MYLK: variants seen among roughly 807,000 people sequenced by gnomAD.
MYLK encodes the protein myosin light chain kinase, also known as myosin light chain kinase, smooth muscle.
In MYLK, 106 loss-of-function variants were observed where a neutral mutation model predicts 203.4. That is an observed-to-expected ratio of 0.52 (90% CI 0.45 to 0.61). MYLK has a LOEUF of 0.61. Ranked by LOEUF, MYLK falls within the 20% of genes least tolerant of loss-of-function variation. MYLK has a pLI of 0.00. For missense variants in MYLK, 2,072 were observed against 2,442.3 expected (o/e 0.85, Z 3.20); for synonymous variants, 867 against 959.5 (o/e 0.90, Z 1.78).
intron 1 of MYLK, among the ~76,000 whole-genome samples, chr3:123,883,852 C>T (rs1008073222): frequency 6.6e-6 from 1 of 152,190 alleles, no homozygotes; most frequent in African/African-American, 2.4e-5. Context: ...GTGGCACCCC[C>T]TTCCCAGAGG....
chr3:123,803,990 G>C (rs948167714), intron 3 of MYLK, among the ~76,000 whole-genome samples: 1 of 152,248 alleles, frequency 6.6e-6, no homozygotes, highest in Non-Finnish European at 1.5e-5. Context: ...AATAATAGTT[G>C]CCATGTATTT....
chr3:123,867,499 A>G (rs1358675001), intron 2 of MYLK, among the ~76,000 whole-genome samples: 1 of 152,042 alleles, frequency 6.6e-6, no homozygotes, highest in Non-Finnish European at 1.5e-5. Flanking sequence ...CATCATGTGA[A>G]CATACACTGA....
At chr3:123,862,960 T>C (rs899459649) in intron 2 of MYLK, among the ~76,000 whole-genome samples, 70 of 152,186 alleles carry the variant, frequency 4.6e-4, no homozygotes, top group African/African-American at 1.7e-3. Context: ...TGCACTCACG[T>C]TGAAAACCTG....
At chr3:123,646,550 C>T (rs2059027890) in intron 27 of MYLK, among the ~76,000 whole-genome samples, 1 of 152,152 alleles carries the variant, frequency 6.6e-6, no homozygotes, top group Non-Finnish European at 1.5e-5. Flanking sequence ...TGCGTGTGTA[C>T]ACGCATGCAC....
At chr3:123,622,631 T>G (rs553978659) in intron 31 of MYLK, 76 of 152,334 alleles carry the variant, frequency 5.0e-4, no homozygotes, top group African/African-American at 1.7e-3. Flanking sequence ...GTAAATATAT[T>G]AACAAATAAA....
chr3:123,841,548 TTC>T (rs1231337022), intron 2 of MYLK, among the ~76,000 whole-genome samples: 10 of 152,158 alleles, frequency 6.6e-5, no homozygotes, highest in Admixed American at 6.6e-4. Flanking sequence ...ACCACTCATT[TTC>T]TGTCAGTTCC....
intron 13 of MYLK, among the ~76,000 whole-genome samples, chr3:123,717,223 C>A (rs1310548252): frequency 6.6e-6 from 1 of 152,162 alleles, no homozygotes; most frequent in Non-Finnish European, 1.5e-5. Context: ...CTGTGCATAA[C>A]CAGGGAAGAC....
intron 31 of MYLK, 101 bp downstream of exon 31, chr3:123,626,717 A>G (rs2058164634): frequency 1.3e-6 from 2 of 1,568,960 alleles, no homozygotes; most frequent in Non-Finnish European, 1.8e-6. Flanking sequence ...AATAAATTTA[A>G]ACTTTCTTGG....
At chr3:123,676,171 G>T (rs2060066656) in intron 20 of MYLK, among the ~76,000 whole-genome samples, 1 of 152,252 alleles carries the variant, frequency 6.6e-6, no homozygotes, top group African/African-American at 2.4e-5. Context: ...TGGGTGAGTT[G>T]GGAGGAGTAG....
Position 123,738,907 on chromosome 3 carries a change from G to A in MYLK, c.578C>T (p.Thr193Ile). ...KITGRPQPQV[T>I]WLKGNVPLQP... ...AGACAGAAACCTCACCTTGAGCCAG[G>A]TGACCTGCGGTTGGGGCCGGCCAGT... Residue 193 changes from threonine to isoleucine, a missense_variant, in exon 7 of 34, where the codon ACC (threonine) becomes ATC (isoleucine). By Grantham distance (89) the Thr-to-Ile change is moderately conservative (BLOSUM62 -1). Coordinates refer to ENST00000360304, the MANE Select transcript of MYLK (RefSeq NM_053025.4). 6.2e-7 allele frequency: 1 copy of A among 1,610,630 alleles called. No individual in the cohort carries two copies. The highest frequency in any genetic ancestry group is 1.1e-5 in the South Asian group (1 of 90,136).
chr3:123,618,629 T>A lies in MYLK; in HGVS notation c.5500+10A>T, dbSNP rs1313626638. On this transcript the variant is annotated intron_variant, in intron 33 of 33. Coordinates refer to ENST00000360304, the MANE Select transcript of MYLK (RefSeq NM_053025.4). ...TATTCATGGTGAAGAGAAGCACAGC[T>A]ACAACTTACCTTCAATCTTGCAGTC... 1 of 1,613,912 alleles carries A rather than the reference T, an allele frequency of 6.2e-7. No homozygotes were observed. Among genetic ancestry groups the A allele is most frequent in the East Asian group, 2.2e-5 (1 of 44,870 alleles).
At chr3:123,880,945 G>A (rs753651669) in intron 1 of MYLK, among the ~76,000 whole-genome samples, 7 of 152,154 alleles carry the variant, frequency 4.6e-5, no homozygotes, top group East Asian at 3.9e-4. Context: ...GTGCAAATAC[G>A]GAGGTCCACC....
chr3:123,858,956 C>A (rs958448468), intron 2 of MYLK, among the ~76,000 whole-genome samples: 2 of 151,880 alleles, frequency 1.3e-5, no homozygotes, highest in African/African-American at 4.8e-5. Flanking sequence ...CCGGTTATGC[C>A]CATTGTATTT....
rs781555971 is a variant in MYLK at position 123,707,819 on chromosome 3, G to A, written c.2325C>T (p.Asp775=). Residue 775 remains aspartate (D), a synonymous_variant, in exon 16 of 34, where the codon GAC becomes GAT. Transcript: ENST00000360304. ...CCTTCTTTAGAACCAGGGTGAACAC[G>A]TCCTCATTCTGAAGCACCTCGAAGT... The part of the protein sequence containing the change: ...TGHFEVLQNE[D]VFTLVLKKVQ... 3.7e-5 allele frequency: 60 copies of A among 1,614,080 alleles called. No homozygotes were observed. The highest frequency in any genetic ancestry group is 1.6e-4 in the Middle Eastern group (1 of 6,084).
Position 123,629,468 on chromosome 3 carries a change from C to T in MYLK, c.5114+6G>A. 5.6e-6 allele frequency: 9 copies of T among 1,614,196 alleles called. No individual in the cohort carries two copies. Among genetic ancestry groups the T allele is most frequent in the Non-Finnish European group, 7.6e-6 (9 of 1,180,026 alleles). On this transcript the variant is annotated splice_donor_region_variant and intron_variant, in intron 30 of 33. Coordinates refer to ENST00000360304, the MANE Select transcript of MYLK (RefSeq NM_053025.4). This position sits in a 1 kb window ranked among gnomAD's most constrained non-coding sequence, Gnocchi z 4.4. ...GGAAGCAAAGACTGAAATCCCAACT[C>T]ATTACTTCATATCTTTCTTCAGCAG...
chr3:123,735,371 CGTAAAA>C (rs750550855), intron 9 of MYLK, 21 bp downstream of exon 9: 12 of 1,613,816 alleles, frequency 7.4e-6, no homozygotes, highest in Non-Finnish European at 1.0e-5. Context: ...AGAGGGAAAA[CGTAAAA>C]GTCACAAAGC....
intron 4 of MYLK, among the ~76,000 whole-genome samples, chr3:123,755,683 C>G (rs781235501): frequency 6.6e-5 from 10 of 152,168 alleles, no homozygotes; most frequent in Admixed American, 3.9e-4. Context: ...CCTTGGGATG[C>G]ATGACAACAG....
intron 3 of MYLK, among the ~76,000 whole-genome samples, chr3:123,796,485 G>A (rs1236410339): frequency 6.6e-6 from 1 of 152,174 alleles, no homozygotes; most frequent in East Asian, 1.9e-4. Flanking sequence ...TACCACATAT[G>A]TATAAAATTA....
At chr3:123,634,419 C>T (rs1047832201) in intron 29 of MYLK, among the ~76,000 whole-genome samples, 4 of 152,224 alleles carry the variant, frequency 2.6e-5, no homozygotes, top group Non-Finnish European at 5.9e-5. Flanking sequence ...CACTGTGACC[C>T]CTCCTCAGCT....
Sources: allele counts gnomAD v4.1 joint callset (sites outside exome capture counted in the v4.1 genomes callset), GRCh38; gene constraint gnomAD v4.1.1; non-coding constraint Gnocchi (gnomAD v3.1); transcripts MANE v1.5; gene names NCBI Gene and HGNC (gene_info 2026-07-23, HGNC 2026-07-21).